Variants in PTCH2 observed in about 807,000 individuals in gnomAD.
PTCH2 encodes patched 2, also known as protein patched homolog 2.
Under a neutral mutation model 117.9 loss-of-function variants are expected in PTCH2, and 96 were observed. The observed-to-expected ratio is 0.81, with a 90% confidence interval of 0.69 to 0.96. PTCH2 has a LOEUF of 0.96. PTCH2 is among the 50% of genes least tolerant of loss of function. The probability of loss-of-function intolerance (pLI) is 0.00; values close to 1 mark genes in which losing one functional copy is unlikely to be tolerated. For synonymous variants in PTCH2, 615 were observed against 660.9 expected (o/e 0.93, Z 1.06); for missense variants, 1,379 against 1,562.5 (o/e 0.88, Z 1.98).
intron 11 of PTCH2, 135 bp from the exon 12 acceptor site, chr1:44,828,766 AC>A: frequency 7.5e-7 from 1 of 1,338,994 alleles, no homozygotes; most frequent in Non-Finnish European, 1.0e-6. Context: ...TTTATTGGGT[AC>A]CATGTACGTA....
At position 44,825,503 on chromosome 1, in the gene PTCH2, A is replaced by G. The variant is rs2148873236; in HGVS notation, c.3114+747T>C. Among the ~76,000 whole-genome samples, 4 of 151,968 alleles carry G rather than the reference A, an allele frequency of 2.6e-5. 1 individual carries two copies. The highest frequency in any genetic ancestry group is 6.9e-3 in the Middle Eastern group (2 of 290). ...AGGTAAAAAACTGTATTGCTATTATATCCCGTATTCTTTTTTATTTTTATT... is the reference window on the plus strand; with the variant it reads ...AGGTAAAAAACTGTATTGCTATTATGTCCCGTATTCTTTTTTATTTTTATT... On this transcript the variant is annotated intron_variant, in intron 19 of 21. Transcript: ENST00000372192.
At position 44,832,255 on chromosome 1, in the gene PTCH2, T is replaced by C; in HGVS notation, c.352A>G (p.Thr118Ala). Residue 118 changes from threonine to alanine, a missense_variant, in exon 3 of 22, where the codon ACC becomes GCC. Physicochemically the swap from Thr to Ala is moderately conservative, Grantham distance 58. Coordinates refer to ENST00000372192, the MANE Select transcript of PTCH2 (RefSeq NM_003738.5). ...ATGTTCTCTCCCTCCTGGCGTGCGG[T>C]CTGTATCAGCATCTGAGAGGTGTAT... ...AAYTSQMLIQ[T>A]ARQEGENILT... is the part of the protein sequence containing the mutation. 6.2e-7 allele frequency: 1 copy of C among 1,614,100 alleles called. No individual in the cohort carries two copies. The highest frequency in any genetic ancestry group is 1.3e-5 in the African/African-American group (1 of 75,000).
Position 44,828,498 on chromosome 1 carries a change from G to C in PTCH2, c.1590+8C>G, listed in dbSNP as rs758345828. The C allele has an allele frequency of 6.2e-7, 1 of 1,614,150 alleles. No homozygotes were observed. Among genetic ancestry groups the C allele is most frequent in the East Asian group, 2.2e-5 (1 of 44,888 alleles). On this transcript the variant is annotated splice_region_variant and intron_variant, in intron 12 of 21. Coordinates refer to ENST00000372192, the MANE Select transcript of PTCH2 (RefSeq NM_003738.5). ...CCACCCTGAGCTGCCCCGTGTGAGAGGCCTCACCTGTAGGGAGAAGGCTCG... is the reference window on the plus strand; with the variant it reads ...CCACCCTGAGCTGCCCCGTGTGAGACGCCTCACCTGTAGGGAGAAGGCTCG...
intron 1 of PTCH2, 57 bp downstream of exon 1, chr1:44,842,804 C>A: frequency 1.4e-6 from 2 of 1,478,426 alleles, no homozygotes; most frequent in East Asian, 2.5e-5. Flanking sequence ...CTTGCAGAGG[C>A]CCGAGTGACA....
In PTCH2 at chr1:44,829,137, G is replaced by T. The variant is rs1318593870; in HGVS notation, c.1371+20C>A. The stretch of plus-strand genomic sequence containing the variant: ...AAGCCTGGTGACTGGCACTGAGTCT[G>T]CCCTGCAGTCCTGGCGTACCTGGGT... On this transcript the variant is annotated intron_variant, in intron 10 of 21. Coordinates refer to ENST00000372192, the MANE Select transcript of PTCH2 (RefSeq NM_003738.5). 1 of 1,613,742 alleles carries T rather than the reference G, an allele frequency of 6.2e-7. No homozygotes were observed. Among genetic ancestry groups the T allele is most frequent in the Non-Finnish European group, 8.5e-7 (1 of 1,180,032 alleles).
rs565270455 is a variant in PTCH2 at position 44,828,135 on chromosome 1, A to G, written c.1766T>C (p.Val589Ala). 7 of 1,614,004 alleles carry G rather than the reference A, an allele frequency of 4.3e-6. No individual in the cohort carries two copies. In the South Asian group the frequency reaches 6.6e-5, roughly 15 times the overall value. The change falls in exon 14 of 22, where the codon GTA becomes GCA. Residue 589 changes from valine (V) to alanine (A), a missense_variant. By Grantham distance (64) the Val-to-Ala change is moderately conservative (BLOSUM62 0). Transcript: ENST00000372192. ...ILPQELGDGTVPVGIAHLTAT... is the reference protein window; with the variant it reads ...ILPQELGDGTAPVGIAHLTAT... ...AGTGAGGTGGGCAATGCCCACTGGT[A>G]CTGTCCCGTCCCCCAGCTCCTGGGG...
Position 44,831,867 on chromosome 1 carries a change from C to G in PTCH2, c.526-70G>C, listed in dbSNP as rs1017915204. 1.6e-5 allele frequency: 25 copies of G among 1,584,448 alleles called. No individual in the cohort carries two copies. Among genetic ancestry groups the G allele is most frequent in the Middle Eastern group, 1.7e-4 (1 of 6,024 alleles). ...TTGTAGGATGCCCTCTGCAATCCCC[C>G]TCCTTAGTTTTAAGGGGGCAGATTG... On this transcript the variant is annotated intron_variant, in intron 4 of 21. Coordinates refer to ENST00000372192, the MANE Select transcript of PTCH2 (RefSeq NM_003738.5). The surrounding 1 kb of genome is among the most constrained non-coding windows in gnomAD (Gnocchi z 4.3).
chr1:44,839,416 C>G (rs1653843126), intron 2 of PTCH2, among the ~76,000 whole-genome samples: 1 of 151,038 alleles, frequency 6.6e-6, no homozygotes, highest in African/African-American at 2.4e-5. Flanking sequence ...TACCTCACCC[C>G]CAGCCAATAT....
rs11573599 is a variant in PTCH2 at position 44,822,087 on chromosome 1, C to A, written c.*328G>T. ...ATATGGAGAGCCTGCCCAGGAGTCA[C>A]CAGACGGAAGGGTGCTGGAGGGTCC... On this transcript the variant is annotated 3_prime_UTR_variant, in exon 22 of 22. Coordinates refer to ENST00000372192, the MANE Select transcript of PTCH2 (RefSeq NM_003738.5). 4.4e-4 allele frequency: 602 copies of A among 1,371,882 alleles called. 3 individuals carry two copies. In the African/African-American group the frequency reaches 8.0e-3, roughly 18 times the overall value. The allele number at this position is 1,371,882 out of a possible 1,614,324, so 85.0% of individuals were successfully genotyped here. A position where few individuals can be genotyped will look rare whatever the true frequency, so the allele number is the denominator to read the frequency against.
chr1:44,826,660 G>T lies in PTCH2; in HGVS notation c.2804C>A (p.Ala935Glu). 6.2e-7 allele frequency: 1 copy of T among 1,611,638 alleles called. No homozygotes were observed. Among genetic ancestry groups the T allele is most frequent in the Admixed American group, 1.7e-5 (1 of 59,856 alleles). ...GTGCACCCCAGCCTGGCCGGCCTCT[G>T]CGCATGCTGCCCGGGCCCCCTCGAT... The part of the protein sequence containing the change: ...EAIEGARAAC[A>E]EAGQAGVHAY... Residue 935 changes from alanine (A) to glutamate (E), a missense_variant, in exon 18 of 22, where the codon GCA becomes GAA. Physicochemically the swap from Ala to Glu is moderately radical, Grantham distance 107. Transcript: ENST00000372192. The surrounding 1 kb of genome is among the most constrained non-coding windows in gnomAD (Gnocchi z 5.1).
Position 44,821,965 on chromosome 1 carries a change from T to C in PTCH2, c.*450A>G. 7.6e-7 allele frequency: 1 copy of C among 1,315,594 alleles called. No individual in the cohort carries two copies. Among genetic ancestry groups the C allele is most frequent in the South Asian group, 1.2e-5 (1 of 80,204 alleles). The allele number at this position is 1,315,594 out of a possible 1,614,324, so 81.5% of individuals were successfully genotyped here. On this transcript the variant is annotated 3_prime_UTR_variant, in exon 22 of 22. Coordinates refer to ENST00000372192, the MANE Select transcript of PTCH2 (RefSeq NM_003738.5). ...AGTTCACATAGAATATATTTCATTC[T>C]TTAAAAAATAAAACTTTCATCATAG...
chr1:44,840,858 C>T (rs186774175), intron 2 of PTCH2, among the ~76,000 whole-genome samples: 1 of 152,174 alleles, frequency 6.6e-6, no homozygotes, highest in East Asian at 1.9e-4. Flanking sequence ...CACACCACTG[C>T]ACTCCAGCCT....
intron 21 of PTCH2, 44 bp from the exon 22 acceptor site, chr1:44,822,713 G>A (rs747133503): frequency 1.2e-5 from 19 of 1,592,038 alleles, no homozygotes; most frequent in Non-Finnish European, 1.6e-5. Flanking sequence ...GGCCCCTGGG[G>A]CTCCCGTCCC....
At chr1:44,828,912 A>C in intron 11 of PTCH2, 70 bp downstream of exon 11, 1 of 1,488,500 alleles carries the variant, frequency 6.7e-7, no homozygotes, top group South Asian at 1.2e-5. Flanking sequence ...GCCCAAGGTC[A>C]CTTGAACCAA....
At position 44,829,083 on chromosome 1, in the gene PTCH2, G is replaced by A. The variant is rs1003390877; in HGVS notation, c.1372-9C>T. On this transcript the variant is annotated splice_polypyrimidine_tract_variant and intron_variant, in intron 10 of 21. Coordinates refer to ENST00000372192, the MANE Select transcript of PTCH2 (RefSeq NM_003738.5). ...GCCAAGAAGGGCAGCACCTGGAGGG[G>A]CAGAGGAGCGGGCAGCTGAGGACCC... The A allele has an allele frequency of 5.6e-6, 9 of 1,612,670 alleles. No individual in the cohort carries two copies. In the Admixed American group the frequency reaches 1.5e-4, roughly 27 times the overall value.
intron 13 of PTCH2, 46 bp from the exon 14 acceptor site, chr1:44,828,237 T>TGGTGAGGGGACAG: frequency 6.2e-7 from 1 of 1,612,878 alleles, no homozygotes; most frequent in Non-Finnish European, 8.5e-7. Flanking sequence ...CTTGAAATGC[T>TGGTGAGGGGACAG]GGTGAGGGGA....
At chr1:44,821,808 G>A, downstream of PTCH2, 1 of 1,355,014 alleles carries the variant, frequency 7.4e-7, no homozygotes, top group South Asian at 1.2e-5. Flanking sequence ...CAGAATCTGG[G>A]GTCTTTTCCA....
At position 44,827,229 on chromosome 1, in the gene PTCH2, C is replaced by T; in HGVS notation, c.2452G>A (p.Ala818Thr). The change falls in exon 16 of 22, where the codon GCC becomes ACC. Residue 818 changes from alanine to threonine, a missense_variant. By Grantham distance (58) the Ala-to-Thr change is moderately conservative. Coordinates refer to ENST00000372192, the MANE Select transcript of PTCH2 (RefSeq NM_003738.5). ...HSYRNGSEDG[A>T]LAYKLLIQTG... ...TGGATGAGCAGCTTGTAGGCCAGGG[C>T]CCCATCCTCAGAGCCATTGCGGTAC... is the stretch of plus-strand genomic sequence containing the variant. The T allele has an allele frequency of 1.2e-6, 2 of 1,614,118 alleles. No individual in the cohort carries two copies. Among genetic ancestry groups the T allele is most frequent in the East Asian group, 2.2e-5 (1 of 44,866 alleles).
Position 44,828,149 on chromosome 1 carries a change from C to G in PTCH2, c.1752G>C (p.Leu584=). Residue 584 remains leucine (L), a synonymous_variant, in exon 14 of 22, where the codon CTG becomes CTC. Coordinates refer to ENST00000372192, the MANE Select transcript of PTCH2 (RefSeq NM_003738.5). ...AQVIQILPQE[L]GDGTVPVGIA... ...TGCCCACTGGTACTGTCCCGTCCCC[C>G]AGCTCCTGGGGCAGGATCTGAATCA... The G allele has an allele frequency of 6.2e-7, 1 of 1,613,930 alleles. No homozygotes were observed.
Sources: gnomAD v4.1 joint callset for allele counts (sites outside exome capture counted in the v4.1 genomes callset) on GRCh38, gnomAD v4.1.1 for gene constraint, Gnocchi (gnomAD v3.1) non-coding constraint, MANE v1.5 for transcripts, NCBI Gene and HGNC (gene_info 2026-07-23, HGNC 2026-07-21) for gene names.